The following ALDOA variants were observed in gnomAD, a reference collection of about 807,000 sequenced individuals.
The protein encoded by ALDOA is fructose-bisphosphate aldolase A.
Under a neutral mutation model 43.9 loss-of-function variants are expected in ALDOA, and 26 were observed. That is an observed-to-expected ratio of 0.59 (90% CI 0.43 to 0.82). The LOEUF is 0.82. ALDOA is among the 40% of genes least tolerant of loss of function. The pLI is 0.00. For synonymous variants in ALDOA, 258 were observed against 222.6 expected (o/e 1.16, Z -1.42); for missense variants, 498 against 549.5 (o/e 0.91, Z 0.94).
chr16:30,069,866 A>AGGC lies in ALDOA; in HGVS notation c.1000_1002dup (p.Ala334dup). On this transcript the variant is annotated inframe_insertion, in exon 9 of 10. Coordinates refer to ENST00000642816, the MANE Select transcript of ALDOA (RefSeq NM_001243177.4). ...CTGTCTGGAGGCCAGAGTGAGGAGG[A>AGGC]GGCGTCCATCAACCTCAATGCCATT... 1 of 1,614,030 alleles carries AGGC rather than the reference A, an allele frequency of 6.2e-7. No individual in the cohort carries two copies.
intron 1 of ALDOA, 30 bp from the exon 2 acceptor site, chr16:30,066,855 T>TA: frequency 6.5e-7 from 1 of 1,541,502 alleles, no homozygotes; most frequent in African/African-American, 1.4e-5. Flanking sequence ...CTTTACATTC[T>TA]AAAATACTCC....
At position 30,067,287 on chromosome 16, in the gene ALDOA, G is replaced by T; in HGVS notation, c.195G>T (p.Glu65Asp). The T allele has an allele frequency of 6.2e-7, 1 of 1,612,690 alleles. No homozygotes were observed. Among genetic ancestry groups the T allele is most frequent in the Non-Finnish European group, 8.5e-7 (1 of 1,180,014 alleles). The change falls in exon 3 of 10, where the codon GAG (glutamate) becomes GAT (aspartate). Residue 65 changes from glutamate to aspartate, a missense_variant. Physicochemically the swap from Glu to Asp is conservative, Grantham distance 45 (BLOSUM62 2). Coordinates refer to ENST00000642816, the MANE Select transcript of ALDOA (RefSeq NM_001243177.4). Reference protein sequence around the residue: ...MPYQYPALTPEQKKELSDIAH... With the variant: ...MPYQYPALTPDQKKELSDIAH... ...ACCAATATCCAGCACTGACCCCGGA[G>T]CAGAAGAAGGAGCTGTCTGACATCG... is the stretch of plus-strand genomic sequence containing the variant.
At chr16:30,064,655 A>G, upstream of ALDOA, 1 of 391,876 alleles carries the variant, frequency 2.6e-6, no homozygotes, top group Non-Finnish European at 4.5e-6. Flanking sequence ...TGGCGGGAAA[A>G]GGGCAGGGGT....
At chr16:30,067,129 GAGGT>G in intron 2 of ALDOA, 91 bp downstream of exon 2, 1 of 1,580,412 alleles carries the variant, frequency 6.3e-7, no homozygotes, top group Non-Finnish European at 8.6e-7. Context: ...TGGGGCAGGG[GAGGT>G]AGGGAACATT....
At chr16:30,068,062 A>ATTTT (rs71143773) in intron 4 of ALDOA, 18 of 176,844 alleles carry the variant, frequency 1.0e-4, no homozygotes, top group African/African-American at 3.1e-4. Context: ...TTTTAAGTAA[A>ATTTT]TTTTTTTTTT....
chr16:30,069,845 C>A lies in ALDOA; in HGVS notation c.977C>A (p.Ser326Tyr). Residue 326 changes from serine to tyrosine, a missense_variant, in exon 9 of 10, where the codon TCT becomes TAT. By Grantham distance (144) the Ser-to-Tyr change is moderately radical. Coordinates refer to ENST00000642816, the MANE Select transcript of ALDOA (RefSeq NM_001243177.4). ...PPAVTGITFLSGGQSEEEASI... is the reference protein window; with the variant it reads ...PPAVTGITFLYGGQSEEEASI... ...TGCTCTACAGGGATCACCTTCCTGT[C>A]TGGAGGCCAGAGTGAGGAGGAGGCG... The A allele has an allele frequency of 6.2e-7, 1 of 1,614,164 alleles. No homozygotes were observed. Among genetic ancestry groups the A allele is most frequent in the Non-Finnish European group, 8.5e-7 (1 of 1,180,038 alleles).
chr16:30,067,905 G>C (rs2072178061), intron 4 of ALDOA: 1 of 567,008 alleles, frequency 1.8e-6, no homozygotes, highest in Admixed American at 3.0e-5. Context: ...AGAGTAAGTG[G>C]CAGAGCCCCA....
intron 2 of ALDOA, 56 bp from the exon 3 acceptor site, chr16:30,067,178 G>T (rs2072140195): frequency 3.1e-6 from 5 of 1,609,550 alleles, no homozygotes. Flanking sequence ...CTGGTCATCG[G>T]GAGATGATGG....
In ALDOA at chr16:30,068,694, AC is replaced by A; in HGVS notation, c.538del (p.Gln180LysfsTer27). On this transcript the variant is annotated frameshift_variant, in exon 5 of 10. Coordinates refer to ENST00000642816, the MANE Select transcript of ALDOA (RefSeq NM_001243177.4). LOFTEE classifies it high-confidence loss of function. ...GGCAGGGACAAATGGCGAGACTACC[AC>A]CCAAGGTGAGAACTGTTTGATTCTC... The part of the protein sequence containing the change: ...PLAGTNGETT[T>X]QGLDGLSERC... 1 of 1,614,230 alleles carries A rather than the reference AC, an allele frequency of 6.2e-7. No homozygotes were observed. Among genetic ancestry groups the A allele is most frequent in the Non-Finnish European group, 8.5e-7 (1 of 1,180,050 alleles).
upstream of ALDOA, among the ~76,000 whole-genome samples, chr16:30,065,310 G>C (rs2072059838): frequency 6.6e-6 from 1 of 152,218 alleles, no homozygotes; most frequent in African/African-American, 2.4e-5. Flanking sequence ...TGCGCGATGT[G>C]GCCCCTATGG....
chr16:30,066,844 T>C (rs1400324943), intron 1 of ALDOA, 41 bp from the exon 2 acceptor site: 1 of 1,531,356 alleles, frequency 6.5e-7, no homozygotes, highest in African/African-American at 1.4e-5. Context: ...TGATTCACGA[T>C]CTTTACATTC....
At chr16:30,069,442 G>A in intron 7 of ALDOA, 53 bp downstream of exon 7, 2 of 1,613,974 alleles carry the variant, frequency 1.2e-6, no homozygotes, top group Non-Finnish European at 1.7e-6. Context: ...GGACCCTGGG[G>A]CTAACCCCTA....
At chr16:30,066,369 CTT>C (rs960994999) in intron 1 of ALDOA, 1 of 153,190 alleles carries the variant, frequency 6.5e-6, no homozygotes, top group Non-Finnish European at 1.5e-5. Flanking sequence ...CCCCTTAACA[CTT>C]TCCCTGTCTC....
chr16:30,064,726 G>A (rs901049417), upstream of ALDOA: 5 of 311,746 alleles, frequency 1.6e-5, no homozygotes, highest in South Asian at 4.8e-4. Context: ...ACCAGCCCGG[G>A]AACCCCTAGC....
upstream of ALDOA, among the ~76,000 whole-genome samples, chr16:30,065,214 C>T (rs1354774400): frequency 2.0e-5 from 3 of 152,230 alleles, no homozygotes. Context: ...GATGCCCTTT[C>T]CTCCGCCTCC....
rs370179626 is a variant in ALDOA, at chr16:30,070,038, A to T, written c.1161+9A>T. 59 of 1,613,552 alleles carry T rather than the reference A, an allele frequency of 3.7e-5. No homozygotes were observed. Among genetic ancestry groups the T allele is most frequent in the Non-Finnish European group, 4.9e-5 (58 of 1,179,978 alleles). On this transcript the variant is annotated intron_variant, in intron 9 of 9. Coordinates refer to ENST00000642816, the MANE Select transcript of ALDOA (RefSeq NM_001243177.4). ...ATGTCAAGCGAGCCCTGGTAAGGATAGGCAGGAGGTGGGCAGGGTGCCTGG... is the reference window on the plus strand; with the variant it reads ...ATGTCAAGCGAGCCCTGGTAAGGATTGGCAGGAGGTGGGCAGGGTGCCTGG...
intron 4 of ALDOA, chr16:30,068,426 T>C: frequency 1.6e-6 from 1 of 627,346 alleles, no homozygotes; most frequent in East Asian, 2.9e-5. Flanking sequence ...AGATGCAGTT[T>C]AAGGGATTAA....
chr16:30,066,907 C>T lies in ALDOA; in HGVS notation c.10C>T (p.Arg4Cys), dbSNP rs552061511. 25 of 1,550,380 alleles carry T rather than the reference C, an allele frequency of 1.6e-5. 1 individual carries two copies. The South Asian group carries it at 2.4e-4, about 15-fold the overall frequency. ...CAGGCAAGGTGACCCCATGGCAAGGCGCAAGCCAGAAGGGTCCAGCTTCAA... is the reference window on the plus strand; with the variant it reads ...CAGGCAAGGTGACCCCATGGCAAGGTGCAAGCCAGAAGGGTCCAGCTTCAA... MARRKPEGSSFNMT... is the reference protein window; with the variant it reads MARCKPEGSSFNMT... Residue 4 changes from arginine to cysteine, a missense_variant, in exon 2 of 10, where the codon CGC becomes TGC. Arg to Cys is a radical substitution (Grantham distance 180). Coordinates refer to ENST00000642816, the MANE Select transcript of ALDOA (RefSeq NM_001243177.4).
At chr16:30,066,601 T>C (rs1264744187) in intron 1 of ALDOA, among the ~76,000 whole-genome samples, 3 of 152,180 alleles carry the variant, frequency 2.0e-5, no homozygotes, top group Non-Finnish European at 4.4e-5. Context: ...TAATGCCCCT[T>C]TCCTACCACC....
Sources: allele counts gnomAD v4.1 joint callset (sites outside exome capture counted in the v4.1 genomes callset), GRCh38; gene constraint gnomAD v4.1.1; transcripts MANE v1.5; gene names NCBI Gene and HGNC (gene_info 2026-07-23, HGNC 2026-07-21).